MGMT: variants seen among roughly 807,000 people sequenced by gnomAD.
MGMT encodes methylated-DNA--protein-cysteine methyltransferase.
Under a neutral mutation model 15.9 loss-of-function variants are expected in MGMT, and 14 were observed. The ratio of observed to expected loss-of-function variants is 0.88; its 90% CI spans 0.58 to 1.37. MGMT has a LOEUF of 1.37. Among genes scored for constraint, MGMT ranks in the 40% most tolerant of loss-of-function variants. The pLI is 0.00. For missense variants in MGMT, 282 were observed against 268.1 expected (o/e 1.05, Z -0.36); for synonymous variants, 130 against 118.2 (o/e 1.10, Z -0.65).
chr10:129,742,371 G>A (rs1258035729), intron 3 of MGMT, among the ~76,000 whole-genome samples: 1 of 152,260 alleles, frequency 6.6e-6, no homozygotes, highest in Admixed American at 6.5e-5. Flanking sequence ...GCACTGGGAT[G>A]GAGTCCCACC....
At chr10:129,647,322 A>G (rs766211770) in intron 2 of MGMT, among the ~76,000 whole-genome samples, 36 of 152,086 alleles carry the variant, frequency 2.4e-4, no homozygotes, top group Admixed American at 3.3e-4. Flanking sequence ...TCAAGTGTGT[A>G]GTTTACCACG....
chr10:129,513,285 A>T (rs1270982974), intron 1 of MGMT, among the ~76,000 whole-genome samples: 1 of 152,198 alleles, frequency 6.6e-6, no homozygotes, highest in Non-Finnish European at 1.5e-5. Flanking sequence ...GCTGAGGTTA[A>T]TGAGAAAATT....
At chr10:129,743,791 A>G (rs1848664461) in intron 3 of MGMT, among the ~76,000 whole-genome samples, 1 of 152,202 alleles carries the variant, frequency 6.6e-6, no homozygotes, top group Non-Finnish European at 1.5e-5. Flanking sequence ...GCGTATATAT[A>G]ATAGTGTGTA....
intron 1 of MGMT, among the ~76,000 whole-genome samples, chr10:129,512,874 T>C (rs1845699246): frequency 6.6e-6 from 1 of 151,912 alleles, no homozygotes; most frequent in Non-Finnish European, 1.5e-5. Context: ...AGAATTCCCA[T>C]GTGGCCCAGC....
At chr10:129,656,848 T>C (rs893440244) in intron 2 of MGMT, among the ~76,000 whole-genome samples, 5 of 152,108 alleles carry the variant, frequency 3.3e-5, no homozygotes, top group African/African-American at 1.2e-4. Flanking sequence ...AGCTTGACTT[T>C]CCCCTTTAGA....
intron 1 of MGMT, among the ~76,000 whole-genome samples, chr10:129,487,954 A>AACACACATAG (rs1845426974): frequency 7.4e-6 from 1 of 134,756 alleles, no homozygotes; most frequent in Non-Finnish European, 1.6e-5. Context: ...TACACACACA[A>AACACACATAG]ACACACATAG....
intron 1 of MGMT, among the ~76,000 whole-genome samples, chr10:129,479,680 C>T (rs1312136041): frequency 6.6e-6 from 1 of 151,808 alleles, no homozygotes; most frequent in Non-Finnish European, 1.5e-5. Flanking sequence ...GACAAGAACC[C>T]TCATGTTCTT....
chr10:129,696,381 CTGCAGCATTT>C (rs1848032925), intron 2 of MGMT, among the ~76,000 whole-genome samples: 1 of 152,166 alleles, frequency 6.6e-6, no homozygotes, highest in Admixed American at 6.5e-5. Flanking sequence ...GTCTTCAAAC[CTGCAGCATTT>C]CCAGGTTCCG....
At chr10:129,585,834 C>T (rs1846612126) in intron 2 of MGMT, among the ~76,000 whole-genome samples, 1 of 152,056 alleles carries the variant, frequency 6.6e-6, no homozygotes, top group Non-Finnish European at 1.5e-5. Flanking sequence ...GTAAACTAGC[C>T]CAGTGAGATT....
intron 1 of MGMT, among the ~76,000 whole-genome samples, chr10:129,471,916 G>A (rs1208174203): frequency 2.6e-5 from 4 of 152,186 alleles, no homozygotes; most frequent in African/African-American, 7.2e-5. Context: ...CCTGAGAGAC[G>A]TGAATCTCTT....
At chr10:129,480,433 T>C (rs763483152) in intron 1 of MGMT, among the ~76,000 whole-genome samples, 1 of 152,232 alleles carries the variant, frequency 6.6e-6, no homozygotes, top group African/African-American at 2.4e-5. Context: ...TGTTGCTTCA[T>C]TGAGTTATAC....
intron 2 of MGMT, among the ~76,000 whole-genome samples, chr10:129,631,967 G>A (rs79855069): frequency 0.026 from 3,946 of 152,282 alleles, 80 homozygotes; most frequent in South Asian, 0.061. Flanking sequence ...GAACTCCTGG[G>A]CTGTAGCAGT....
chr10:129,690,337 G>A (rs1332308622), intron 2 of MGMT, among the ~76,000 whole-genome samples: 1 of 152,212 alleles, frequency 6.6e-6, no homozygotes, highest in East Asian at 1.9e-4. Flanking sequence ...AGTATATTCA[G>A]TAACACCCGT....
rs762085771 is a variant in MGMT, at chr10:129,683,370, TGATACTGTTCA to T, written c.126-24524_126-24514del. Among the ~76,000 whole-genome samples the T allele has an allele frequency of 3.5e-4, 54 of 152,204 alleles. 1 individual carries two copies. Among genetic ancestry groups the T allele is most frequent in the Non-Finnish European group, 6.8e-4 (46 of 68,044 alleles). ...TAGGCTGGAAAAATGTGGCTGAACT[TGATACTGTTCA>T]TTTGATGGTTCTTTGATTAGCCTCA... is the stretch of plus-strand genomic sequence containing the variant. On this transcript the variant is annotated intron_variant, in intron 2 of 4. Coordinates refer to ENST00000651593, the MANE Select transcript of MGMT (RefSeq NM_002412.5).
chr10:129,557,840 A>G (rs1003368369), intron 2 of MGMT, among the ~76,000 whole-genome samples: 14 of 152,236 alleles, frequency 9.2e-5, no homozygotes, highest in Non-Finnish European at 1.6e-4. Flanking sequence ...GAACTGAGCT[A>G]ATCAATGCAT....
At position 129,566,649 on chromosome 10, in the gene MGMT, T is replaced by C. The variant is rs998754467; in HGVS notation, c.125+30272T>C. On this transcript the variant is annotated intron_variant, in intron 2 of 4. Coordinates refer to ENST00000651593, the MANE Select transcript of MGMT (RefSeq NM_002412.5). The surrounding 1 kb of genome is among the most constrained non-coding windows in gnomAD (Gnocchi z 4.1). ...CGTGGGATTTTTGCTGTTTCTCTTC[T>C]CCCACTGTTGGTCGTTGGCTGGATC... Among the ~76,000 whole-genome samples, 1 of 152,098 alleles carries C rather than the reference T, an allele frequency of 6.6e-6. No individual in the cohort carries two copies. Among genetic ancestry groups the C allele is most frequent in the Non-Finnish European group, 1.5e-5 (1 of 68,016 alleles).
intron 2 of MGMT, among the ~76,000 whole-genome samples, chr10:129,681,353 C>T (rs556272618): frequency 3.3e-4 from 51 of 152,284 alleles, no homozygotes; most frequent in South Asian, 1.0e-3. Flanking sequence ...GCCATGTTTC[C>T]GTCCCATAGA....
In MGMT at chr10:129,642,476, G is replaced by A. The variant is rs531046005; in HGVS notation, c.126-65419G>A. Among the ~76,000 whole-genome samples, 128 of 152,124 alleles carry A rather than the reference G, an allele frequency of 8.4e-4. 1 individual carries two copies. The highest frequency in any genetic ancestry group is 2.6e-3 in the African/African-American group (108 of 41,502). ...AGATCATTAAGAACAATAGACAAAG[G>A]AATATGCTTTTAAAAATAGTGATTA... On this transcript the variant is annotated intron_variant, in intron 2 of 4. Transcript: ENST00000651593.
At chr10:129,504,638 C>A (rs1845607175) in intron 1 of MGMT, among the ~76,000 whole-genome samples, 1 of 152,196 alleles carries the variant, frequency 6.6e-6, no homozygotes, top group Non-Finnish European at 1.5e-5. Context: ...ATAACCCCCT[C>A]TTGAGAAGGA....
Sources: gnomAD v4.1 joint callset for allele counts (sites outside exome capture counted in the v4.1 genomes callset) on GRCh38, gnomAD v4.1.1 for gene constraint, Gnocchi (gnomAD v3.1) non-coding constraint, MANE v1.5 for transcripts, NCBI Gene and HGNC (gene_info 2026-07-23, HGNC 2026-07-21) for gene names.